DLG2: variants seen among roughly 807,000 people sequenced by gnomAD.
The protein encoded by DLG2 is discs large MAGUK scaffold protein 2, also known as disks large homolog 2.
Under a neutral mutation model 132.5 loss-of-function variants are expected in DLG2, and 45 were observed. The observed-to-expected ratio is 0.34, with a 90% CI of 0.27 to 0.44. The LOEUF (loss-of-function observed/expected upper bound fraction) is 0.44. Among genes scored for constraint, DLG2 ranks in the 20% least tolerant of loss-of-function variants. The pLI is 1.00. For synonymous variants in DLG2, 424 were observed against 419.6 expected, an observed-to-expected ratio of 1.01 and a Z score of -0.13; for missense variants, 1,045 against 1,196.9, an observed-to-expected ratio of 0.87 and a Z score of 1.87.
intron 9 of DLG2, among the ~76,000 whole-genome samples, chr11:84,152,487 C>T (rs34818866): frequency 0.035 from 5,246 of 151,320 alleles, 140 homozygotes; most frequent in Non-Finnish European, 0.055. Context: ...CCTGGGTTCA[C>T]GCCATTCTCC....
chr11:83,554,465 A>G (rs904486905), intron 19 of DLG2, among the ~76,000 whole-genome samples: 54 of 152,346 alleles, frequency 3.5e-4, no homozygotes, highest in African/African-American at 1.3e-3. Context: ...TAACATATGT[A>G]AAACTCCTAT....
chr11:83,983,408 G>T (rs908017918), intron 11 of DLG2, among the ~76,000 whole-genome samples: 2 of 151,690 alleles, frequency 1.3e-5, no homozygotes, highest in Non-Finnish European at 2.9e-5. Flanking sequence ...AAAATATTTG[G>T]CATTTTATAC....
At chr11:84,604,179 G>A (rs2099581478) in intron 6 of DLG2, among the ~76,000 whole-genome samples, 1 of 152,104 alleles carries the variant, frequency 6.6e-6, no homozygotes, top group South Asian at 2.1e-4. Context: ...TCCTGAGTCT[G>A]TGACCTTGAG....
At chr11:83,819,343 G>T (rs1422989820) in intron 17 of DLG2, among the ~76,000 whole-genome samples, 1 of 151,594 alleles carries the variant, frequency 6.6e-6, no homozygotes, top group African/African-American at 2.4e-5. Flanking sequence ...TGTGGTACAT[G>T]CCTGTAACCC....
rs540293602 is a variant in DLG2 at position 83,654,011 on chromosome 11, C to T, written c.1826-20686G>A. 5.3e-4 allele frequency among the ~76,000 whole-genome samples: 81 copies of T among 152,186 alleles called. 1 individual carries two copies. The highest frequency in any genetic ancestry group is 1.9e-3 in the South Asian group (9 of 4,822). On this transcript the variant is annotated intron_variant, in intron 18 of 27. Coordinates refer to ENST00000376104, the MANE Select transcript of DLG2 (RefSeq NM_001142699.3). ...CTGGGATCACAGGCATGAGCCACCG[C>T]GCCTGGCCAAGAATTTTTTTTTTTA...
At chr11:84,864,666 G>A (rs2084273872) in intron 6 of DLG2, among the ~76,000 whole-genome samples, 1 of 152,036 alleles carries the variant, frequency 6.6e-6, no homozygotes, top group Non-Finnish European at 1.5e-5. Flanking sequence ...AATATTCAGG[G>A]CTAGATTCTG....
chr11:85,487,042 T>TA (rs1225708413), intron 3 of DLG2, among the ~76,000 whole-genome samples: 3,753 of 132,412 alleles, frequency 0.028, 134 homozygotes, highest in African/African-American at 0.088. Context: ...GTGTGCTGAT[T>TA]AAAAAAAAAA....
At chr11:84,720,634 T>G (rs1052747846) in intron 6 of DLG2, among the ~76,000 whole-genome samples, 1 of 151,884 alleles carries the variant, frequency 6.6e-6, no homozygotes, top group Non-Finnish European at 1.5e-5. Flanking sequence ...GAAAGAATTT[T>G]TCCCCCTACG....
chr11:84,612,355 A>G (rs2099596956), intron 6 of DLG2, among the ~76,000 whole-genome samples: 1 of 151,732 alleles, frequency 6.6e-6, no homozygotes, highest in Non-Finnish European at 1.5e-5. Flanking sequence ...TATTTCCACC[A>G]TTTTTCTATT....
chr11:85,311,031 A>G (rs1472424847), intron 3 of DLG2, among the ~76,000 whole-genome samples: 2 of 152,210 alleles, frequency 1.3e-5, no homozygotes, highest in Non-Finnish European at 2.9e-5. Context: ...CTGCCCCCAC[A>G]GTCTGTTTTC....
intron 6 of DLG2, among the ~76,000 whole-genome samples, chr11:84,584,521 T>A (rs940377831): frequency 6.6e-5 from 10 of 151,348 alleles, no homozygotes; most frequent in African/African-American, 1.9e-4. Flanking sequence ...TATTTTTTTT[T>A]AATATTATTA....
intron 6 of DLG2, among the ~76,000 whole-genome samples, chr11:84,585,976 C>T (rs1460413014): frequency 6.6e-6 from 1 of 152,076 alleles, no homozygotes; most frequent in Admixed American, 6.5e-5. Context: ...CATGGTGAAA[C>T]CCTGTCTCTA....
intron 6 of DLG2, among the ~76,000 whole-genome samples, chr11:85,031,014 C>T (rs908367257): frequency 6.6e-6 from 1 of 151,776 alleles, no homozygotes; most frequent in South Asian, 2.1e-4. Flanking sequence ...ATGAGTATAT[C>T]GCATAAGTTT....
At chr11:85,051,952 C>T (rs1443072218) in intron 6 of DLG2, among the ~76,000 whole-genome samples, 5 of 151,946 alleles carry the variant, frequency 3.3e-5, no homozygotes, top group Admixed American at 3.3e-4. Flanking sequence ...TGCTGTAGGT[C>T]TTATCAATCA....
intron 9 of DLG2, among the ~76,000 whole-genome samples, chr11:84,112,106 G>A (rs530520215): frequency 1.7e-4 from 26 of 151,762 alleles, no homozygotes; most frequent in African/African-American, 5.8e-4. Flanking sequence ...TCCGCCTCCC[G>A]GGTTCATGCC....
At chr11:85,029,294 A>G (rs930129345) in intron 6 of DLG2, among the ~76,000 whole-genome samples, 2 of 152,056 alleles carry the variant, frequency 1.3e-5, no homozygotes, top group Admixed American at 6.5e-5. Flanking sequence ...AATGTCTGTT[A>G]AAGTGACAGG....
chr11:85,102,374 C>A (rs1195741720), intron 6 of DLG2, among the ~76,000 whole-genome samples: 1 of 151,868 alleles, frequency 6.6e-6, no homozygotes. Flanking sequence ...TAAACACTTG[C>A]AAGAAATAAG....
intron 7 of DLG2, among the ~76,000 whole-genome samples, chr11:84,393,380 T>C (rs143493375): frequency 2.8e-4 from 43 of 152,102 alleles, no homozygotes; most frequent in Non-Finnish European, 4.1e-4. Context: ...GAAGTATCAC[T>C]CTAAATCCTT....
At position 84,747,849 on chromosome 11, in the gene DLG2, A is replaced by C. The variant is rs186867563; in HGVS notation, c.358-213118T>G. Among the ~76,000 whole-genome samples, 462 of 152,336 alleles carry C rather than the reference A, an allele frequency of 3.0e-3. 1 individual carries two copies. Among genetic ancestry groups the C allele is most frequent in the African/African-American group, 0.01 (428 of 41,576 alleles). ...ATTGAACACATGACACAGATGTCTG[A>C]ATAGTCAACTTGACAACAAAACAGA... On this transcript the variant is annotated intron_variant, in intron 6 of 27. Transcript: ENST00000376104.
Sources: allele counts gnomAD v4.1 joint callset (sites outside exome capture counted in the v4.1 genomes callset), GRCh38; gene constraint gnomAD v4.1.1; transcripts MANE v1.5; gene names NCBI Gene and HGNC (gene_info 2026-07-23, HGNC 2026-07-21).